The following SCFD2 variants were observed in gnomAD, a reference collection of about 807,000 sequenced individuals.
SCFD2 encodes the protein sec1 family domain-containing protein 2.
In SCFD2, 54 loss-of-function variants were observed where a neutral mutation model predicts 58.9. The ratio of observed to expected loss-of-function variants is 0.92; its 90% CI spans 0.74 to 1.15. SCFD2 has a LOEUF of 1.15. Ranked by LOEUF, SCFD2 falls within the 50% of genes most tolerant of loss-of-function variation. SCFD2 has a pLI of 0.00. For missense variants in SCFD2, 805 were observed against 836.6 expected (o/e 0.96, Z 0.47); for synonymous variants, 321 against 335.9 (o/e 0.96, Z 0.49).
chr4:53,329,156 C>G (rs992968820), intron 2 of SCFD2, among the ~76,000 whole-genome samples: 4 of 152,192 alleles, frequency 2.6e-5, no homozygotes, highest in African/African-American at 7.2e-5. Flanking sequence ...AAGGTGGCAG[C>G]GAGGCTGGGG....
chr4:53,242,387 A>C (rs559735340), intron 4 of SCFD2, among the ~76,000 whole-genome samples: 2 of 152,318 alleles, frequency 1.3e-5, no homozygotes, highest in South Asian at 4.1e-4. Context: ...CTCCCTAAAA[A>C]TCTTCCAGAA....
intron 4 of SCFD2, among the ~76,000 whole-genome samples, chr4:53,201,787 AT>A: frequency 6.6e-6 from 1 of 152,104 alleles, no homozygotes; most frequent in South Asian, 2.1e-4. Context: ...GATGATGAGC[AT>A]TTTTTCATGT....
chr4:53,218,257 C>G (rs1396378277), intron 4 of SCFD2, among the ~76,000 whole-genome samples: 1 of 152,188 alleles, frequency 6.6e-6, no homozygotes, highest in African/African-American at 2.4e-5. Context: ...TGGTTCCATT[C>G]TCCTCGTCAC....
intron 2 of SCFD2, among the ~76,000 whole-genome samples, chr4:53,348,791 T>A (rs1395847533): frequency 2.0e-5 from 3 of 151,870 alleles, no homozygotes; most frequent in Non-Finnish European, 4.4e-5. Context: ...CTCAACTCAC[T>A]GCAACCTCCA....
chr4:53,227,462 G>A (rs1323945825), intron 4 of SCFD2, among the ~76,000 whole-genome samples: 2 of 152,118 alleles, frequency 1.3e-5, no homozygotes, highest in Non-Finnish European at 2.9e-5. Context: ...TAAAGATGAC[G>A]CTAAAGTTCT....
rs79281961 is a variant in SCFD2, at chr4:53,005,774, T to G, written c.1562-84904A>C. Among the ~76,000 whole-genome samples, 318 of 152,332 alleles carry G rather than the reference T, an allele frequency of 2.1e-3. 6 individuals carry two copies. The East Asian group carries it at 0.05, about 24-fold the overall frequency. On this transcript the variant is annotated intron_variant, in intron 5 of 8. Coordinates refer to ENST00000401642, the MANE Select transcript of SCFD2 (RefSeq NM_152540.4). Reference sequence around the variant, plus strand: ...CTTATCCTGACTGAAGCATGCTTCATAGTTGTGCTTTAGAATAACATCTAG... The same window carrying G: ...CTTATCCTGACTGAAGCATGCTTCAGAGTTGTGCTTTAGAATAACATCTAG...
At chr4:53,189,535 G>A (rs892684486) in intron 4 of SCFD2, among the ~76,000 whole-genome samples, 5 of 152,016 alleles carry the variant, frequency 3.3e-5, no homozygotes, top group Admixed American at 2.0e-4. Context: ...CTTGCATGGC[G>A]GGGCCTGAGA....
intron 5 of SCFD2, among the ~76,000 whole-genome samples, chr4:53,090,013 ACTTTG>A (rs1251443152): frequency 6.6e-6 from 1 of 152,134 alleles, no homozygotes; most frequent in African/African-American, 2.4e-5. Flanking sequence ...AAAAGACAGA[ACTTTG>A]CTTTGGTAAT....
chr4:52,936,411 ACCTGATATATTGTC>A (rs983247013), intron 5 of SCFD2, among the ~76,000 whole-genome samples: 6 of 152,020 alleles, frequency 3.9e-5, no homozygotes, highest in Non-Finnish European at 7.4e-5. Context: ...AGGGGAAAAA[ACCTGATATATTGTC>A]TCTGCCATTG....
intron 5 of SCFD2, among the ~76,000 whole-genome samples, chr4:53,068,058 T>A (rs1392238598): frequency 1.3e-5 from 2 of 152,112 alleles, no homozygotes; most frequent in African/African-American, 4.8e-5. Context: ...CCCTTATGAC[T>A]TATTAAAACT....
At position 53,262,412 on chromosome 4, in the gene SCFD2, A is replaced by G. The variant is rs35725275; in HGVS notation, c.1311+11414T>C. Reference sequence around the variant, plus strand: ...ATCACAAAAATTTGTTTCAAGATTTAGAACTCCTTTCAGCAGTCTTGTAGT... The same window carrying G: ...ATCACAAAAATTTGTTTCAAGATTTGGAACTCCTTTCAGCAGTCTTGTAGT... On this transcript the variant is annotated intron_variant, in intron 4 of 8. Transcript: ENST00000401642. Among the ~76,000 whole-genome samples, 405 of 152,318 alleles carry G rather than the reference A, an allele frequency of 2.7e-3. 1 individual carries two copies. The highest frequency in any genetic ancestry group is 3.2e-3 in the Non-Finnish European group (221 of 68,030).
intron 5 of SCFD2, among the ~76,000 whole-genome samples, chr4:53,105,173 C>T (rs1292564631): frequency 6.6e-6 from 1 of 152,156 alleles, no homozygotes; most frequent in Non-Finnish European, 1.5e-5. Context: ...ATGCTTTTCC[C>T]AGATTCTTCA....
At chr4:53,312,195 A>G (rs774769415) in intron 3 of SCFD2, among the ~76,000 whole-genome samples, 2 of 152,146 alleles carry the variant, frequency 1.3e-5, no homozygotes, top group African/African-American at 2.4e-5. Context: ...TCTGTCTGCT[A>G]AATTGTTTTT....
intron 3 of SCFD2, among the ~76,000 whole-genome samples, chr4:53,293,286 C>T (rs1185116949): frequency 6.6e-6 from 1 of 151,954 alleles, no homozygotes; most frequent in Non-Finnish European, 1.5e-5. Flanking sequence ...GGGAACAACA[C>T]ACACTGGGGC....
rs530834908 is a variant in SCFD2, at chr4:53,008,355, C to G, written c.1562-87485G>C. Among the ~76,000 whole-genome samples, 4 of 152,260 alleles carry G rather than the reference C, an allele frequency of 2.6e-5. No individual in the cohort carries two copies. In the East Asian group the frequency reaches 5.8e-4, roughly 22 times the overall value. On this transcript the variant is annotated intron_variant, in intron 5 of 8. Coordinates refer to ENST00000401642, the MANE Select transcript of SCFD2 (RefSeq NM_152540.4). ...CCCCCCCTTCCCCTCTCCCTCCCCA[C>G]CCTGGCACAGAGCATCATGGAGAAG...
chr4:52,969,277 G>C (rs572346897), intron 5 of SCFD2, among the ~76,000 whole-genome samples: 2 of 152,160 alleles, frequency 1.3e-5, no homozygotes, highest in Non-Finnish European at 2.9e-5. Context: ...TACCTTTATG[G>C]TTCTGAATAA....
chr4:52,957,844 G>C (rs1720746671), intron 5 of SCFD2: 1 of 152,226 alleles, frequency 6.6e-6, no homozygotes, highest in Admixed American at 6.5e-5. Flanking sequence ...GTTTACATCA[G>C]ACCGAGGTTA....
intron 3 of SCFD2, among the ~76,000 whole-genome samples, chr4:53,300,211 G>A (rs1387748524): frequency 9.2e-5 from 14 of 152,038 alleles, no homozygotes; most frequent in South Asian, 2.1e-4. Context: ...CCCATCTCAC[G>A]TGCAGAGACA....
rs58287618 is a variant in SCFD2 at position 53,345,953 on chromosome 4, TA to T, written c.1007+6644del. ...CACACACCAGGGCCTGTGAGTGGAT[TA>T]GGGGGGGCTTGGGGAGGGATACAAT... is the stretch of plus-strand genomic sequence containing the variant. On this transcript the variant is annotated intron_variant, in intron 2 of 8. Coordinates refer to ENST00000401642, the MANE Select transcript of SCFD2 (RefSeq NM_152540.4). Among the ~76,000 whole-genome samples, 1,254 of 151,862 alleles carry T rather than the reference TA, an allele frequency of 8.3e-3. 20 individuals carry two copies. Among genetic ancestry groups the T allele is most frequent in the African/African-American group, 0.028 (1,161 of 41,404 alleles).
Sources: allele counts gnomAD v4.1 joint callset (sites outside exome capture counted in the v4.1 genomes callset), GRCh38; gene constraint gnomAD v4.1.1; transcripts MANE v1.5; gene names NCBI Gene and HGNC (gene_info 2026-07-23, HGNC 2026-07-21).